Variants in MAP3K4 observed in about 807,000 individuals in gnomAD.
MAP3K4 encodes mitogen-activated protein kinase kinase kinase 4.
In MAP3K4, 67 loss-of-function variants were observed where a neutral mutation model predicts 185.6. The observed-to-expected ratio is 0.36, with a 90% confidence interval of 0.30 to 0.44. The LOEUF (loss-of-function observed/expected upper bound fraction) is 0.44, where lower values mean the gene tolerates loss of function less well. MAP3K4 is among the 20% of genes least tolerant of loss of function. MAP3K4 has a pLI of 1.00. For missense variants in MAP3K4, 1,551 were observed against 1,995.1 expected (o/e 0.78, Z 4.24); for synonymous variants, 702 against 710.4 (o/e 0.99, Z 0.19).
At chr6:161,059,680 A>G (rs1368762410) in intron 3 of MAP3K4, among the ~76,000 whole-genome samples, 1 of 152,164 alleles carries the variant, frequency 6.6e-6, no homozygotes, top group Non-Finnish European at 1.5e-5. Flanking sequence ...TCACATTTTT[A>G]TATAGTCATG....
In MAP3K4 at chr6:161,053,535, A is replaced by C. The variant is rs1213246349; in HGVS notation, c.1707+3556A>C. On this transcript the variant is annotated intron_variant, in intron 3 of 26. Transcript: ENST00000392142. This position sits in a 1 kb window ranked among gnomAD's most constrained non-coding sequence, Gnocchi z 4.2. ...CTTTTAACCTCTGCCAAATAATTGT[A>C]CATTTTAAGGGCATACATTTTAGGC... 6.6e-6 allele frequency among the ~76,000 whole-genome samples: 1 copy of C among 152,212 alleles called. No individual in the cohort carries two copies. Among genetic ancestry groups the C allele is most frequent in the Non-Finnish European group, 1.5e-5 (1 of 68,048 alleles).
rs746010990 is a variant in MAP3K4, at chr6:161,073,436, C to G, written c.1951-30C>G. Reference sequence around the variant, plus strand: ...CGGATCGTCTGGTTGGAGTTTATGGCTGCTGGAACCTGTGTGTGTTGTTTT... The same window carrying G: ...CGGATCGTCTGGTTGGAGTTTATGGGTGCTGGAACCTGTGTGTGTTGTTTT... On this transcript the variant is annotated intron_variant, in intron 4 of 26. Transcript: ENST00000392142. The surrounding 1 kb of genome is among the most constrained non-coding windows in gnomAD (Gnocchi z 4.2). The G allele has an allele frequency of 2.0e-5, 30 of 1,535,008 alleles. No homozygotes were observed. The highest frequency in any genetic ancestry group is 2.8e-5 in the African/African-American group (2 of 71,454).
intron 1 of MAP3K4, among the ~76,000 whole-genome samples, chr6:161,001,822 T>C (rs1781334027): frequency 6.6e-6 from 1 of 152,226 alleles, no homozygotes; most frequent in African/African-American, 2.4e-5. Context: ...TTATTAAGAT[T>C]AAGTAATTCC....
Position 161,088,994 on chromosome 6 carries a change from A to G in MAP3K4, c.2824-328A>G, listed in dbSNP as rs1005609514. On this transcript the variant is annotated intron_variant, in intron 10 of 26. Coordinates refer to ENST00000392142, the MANE Select transcript of MAP3K4 (RefSeq NM_005922.4). This position sits in a 1 kb window ranked among gnomAD's most constrained non-coding sequence, Gnocchi z 4.5. ...TTTTCCTTCTTCATATGCTGCTCCA[A>G]TACACACACACATGCACACATACAC... is the stretch of plus-strand genomic sequence containing the variant. Among the ~76,000 whole-genome samples the G allele has an allele frequency of 6.6e-5, 10 of 151,840 alleles. No individual in the cohort carries two copies. Among genetic ancestry groups the G allele is most frequent in the African/African-American group, 1.7e-4 (7 of 41,172 alleles).
At chr6:160,995,454 T>A (rs1425894087) in intron 1 of MAP3K4, among the ~76,000 whole-genome samples, 1 of 152,238 alleles carries the variant, frequency 6.6e-6, no homozygotes, top group Non-Finnish European at 1.5e-5. Context: ...GTGCAGCAAG[T>A]GTGCCATCGT....
At chr6:161,028,138 T>G (rs1782758239) in intron 1 of MAP3K4, among the ~76,000 whole-genome samples, 1 of 152,222 alleles carries the variant, frequency 6.6e-6, no homozygotes, top group Non-Finnish European at 1.5e-5. Flanking sequence ...ATATGCAGGT[T>G]TGTGACCATG....
At position 161,063,958 on chromosome 6, in the gene MAP3K4, G is replaced by A. The variant is rs1746029961; in HGVS notation, c.1708-6650G>A. On this transcript the variant is annotated intron_variant, in intron 3 of 26. Coordinates refer to ENST00000392142, the MANE Select transcript of MAP3K4 (RefSeq NM_005922.4). The surrounding 1 kb of genome is among the most constrained non-coding windows in gnomAD (Gnocchi z 5.4). Reference sequence around the variant, plus strand: ...GGTTTTCCCACCACCTCTTCTCTTTGGGGAGTCATGACCACCCCTTTTCAT... The same window carrying A: ...GGTTTTCCCACCACCTCTTCTCTTTAGGGAGTCATGACCACCCCTTTTCAT... Among the ~76,000 whole-genome samples, 1 of 152,070 alleles carries A rather than the reference G, an allele frequency of 6.6e-6. No individual in the cohort carries two copies. Among genetic ancestry groups the A allele is most frequent in the Non-Finnish European group, 1.5e-5 (1 of 68,024 alleles).
rs1389264137 is a variant in MAP3K4, at chr6:161,107,779, C to T, written c.4049-120C>T. On this transcript the variant is annotated intron_variant, in intron 20 of 26. Transcript: ENST00000392142. The surrounding 1 kb of genome is among the most constrained non-coding windows in gnomAD (Gnocchi z 6.2). ...TCTTGCAATAGTAAACTGCAGTAAA[C>T]ATAATTATAGATATATAAATATACG... 1.5e-6 allele frequency: 1 copy of T among 688,702 alleles called. No homozygotes were observed. The highest frequency in any genetic ancestry group is 2.4e-6 in the Non-Finnish European group (1 of 420,272). The allele number at this position is 688,702 out of a possible 1,614,324, so 42.7% of individuals were successfully genotyped here.
In MAP3K4 at chr6:161,037,415, A is replaced by G. The variant is rs929824037; in HGVS notation, c.343+2966A>G. Among the ~76,000 whole-genome samples the G allele has an allele frequency of 6.6e-6, 1 of 152,020 alleles. No individual in the cohort carries two copies. The highest frequency in any genetic ancestry group is 2.4e-5 in the African/African-American group (1 of 41,396). ...TTATCATCATTATTATTGTAAACTCAGGATTTCTTTTATTTTTTCTGAGAC... is the reference window on the plus strand; with the variant it reads ...TTATCATCATTATTATTGTAAACTCGGGATTTCTTTTATTTTTTCTGAGAC... On this transcript the variant is annotated intron_variant, in intron 2 of 26. Coordinates refer to ENST00000392142, the MANE Select transcript of MAP3K4 (RefSeq NM_005922.4). The surrounding 1 kb of genome is among the most constrained non-coding windows in gnomAD (Gnocchi z 4.2).
At position 161,102,695 on chromosome 6, in the gene MAP3K4, G is replaced by A. The variant is rs1384276116; in HGVS notation, c.3776-4G>A. 1.3e-6 allele frequency: 2 copies of A among 1,559,272 alleles called. No individual in the cohort carries two copies. Among genetic ancestry groups the A allele is most frequent in the East Asian group, 2.3e-5 (1 of 43,932 alleles). On this transcript the variant is annotated splice_region_variant and splice_polypyrimidine_tract_variant and intron_variant, in intron 18 of 26. Transcript: ENST00000392142. Reference sequence around the variant, plus strand: ...TTAATTTGTATAAAAATAACTTCCTGCAGAACCAGCATATCCAAGAGGAGA... The same window carrying A: ...TTAATTTGTATAAAAATAACTTCCTACAGAACCAGCATATCCAAGAGGAGA...
At chr6:161,104,986 G>C (rs1341636878) in intron 19 of MAP3K4, among the ~76,000 whole-genome samples, 1 of 152,146 alleles carries the variant, frequency 6.6e-6, no homozygotes, top group African/African-American at 2.4e-5. Context: ...CTCTTCATCT[G>C]AGCCAGAAAA....
chr6:161,090,009 C>T (rs1431441435), intron 11 of MAP3K4, among the ~76,000 whole-genome samples: 1 of 152,098 alleles, frequency 6.6e-6, no homozygotes, highest in African/African-American at 2.4e-5. Flanking sequence ...ATTTTGTATC[C>T]CATGTATCAG....
chr6:161,084,412 G>A lies in MAP3K4; in HGVS notation c.2256-89G>A. Reference sequence around the variant, plus strand: ...TGATTTTTAAACCATTAGAGCAGTAGCTGAGCCTTTCAAGTTTCTCAGTCA... The same window carrying A: ...TGATTTTTAAACCATTAGAGCAGTAACTGAGCCTTTCAAGTTTCTCAGTCA... On this transcript the variant is annotated intron_variant, in intron 6 of 26. Transcript: ENST00000392142. This position sits in a 1 kb window ranked among gnomAD's most constrained non-coding sequence, Gnocchi z 4.6. The A allele has an allele frequency of 1.4e-6, 1 of 719,256 alleles. No homozygotes were observed. Among genetic ancestry groups the A allele is most frequent in the South Asian group, 1.6e-5 (1 of 61,406 alleles). 44.6% of individuals were successfully genotyped at this position (719,256 alleles called of 1,614,324 possible).
intron 5 of MAP3K4, among the ~76,000 whole-genome samples, chr6:161,078,589 T>G (rs2114834557): frequency 6.6e-6 from 1 of 152,272 alleles, no homozygotes; most frequent in East Asian, 1.9e-4. Context: ...TATCAGGTGT[T>G]TGAACTGGTG....
Position 161,074,005 on chromosome 6 carries a change from T to C in MAP3K4, c.2097+393T>C, listed in dbSNP as rs1052368623. 1.3e-5 allele frequency among the ~76,000 whole-genome samples: 2 copies of C among 152,246 alleles called. No homozygotes were observed. The highest frequency in any genetic ancestry group is 4.8e-5 in the African/African-American group (2 of 41,480). Reference sequence around the variant, plus strand: ...TATGGTCCTATGTTAGTGAACCGTCTGTCATCAGCCATTTTTATAATACCT... The same window carrying C: ...TATGGTCCTATGTTAGTGAACCGTCCGTCATCAGCCATTTTTATAATACCT... On this transcript the variant is annotated intron_variant, in intron 5 of 26. Transcript: ENST00000392142. This position sits in a 1 kb window ranked among gnomAD's most constrained non-coding sequence, Gnocchi z 5.0.
rs1043547221 is a variant in MAP3K4 at position 161,106,068 on chromosome 6, C to A, written c.3857-446C>A. On this transcript the variant is annotated intron_variant, in intron 19 of 26. Coordinates refer to ENST00000392142, the MANE Select transcript of MAP3K4 (RefSeq NM_005922.4). The surrounding 1 kb of genome is among the most constrained non-coding windows in gnomAD (Gnocchi z 4.9). ...CCCAGTCTGGTCTTGAACTCCTAGGCTCAAGTGATCTGCCCACCTCACCTC... is the reference window on the plus strand; with the variant it reads ...CCCAGTCTGGTCTTGAACTCCTAGGATCAAGTGATCTGCCCACCTCACCTC... Among the ~76,000 whole-genome samples the A allele has an allele frequency of 6.6e-6, 1 of 152,078 alleles. No individual in the cohort carries two copies. The highest frequency in any genetic ancestry group is 6.5e-5 in the Admixed American group (1 of 15,276).
intron 15 of MAP3K4, among the ~76,000 whole-genome samples, chr6:161,094,124 CT>C (rs1777464719): frequency 6.6e-6 from 1 of 152,194 alleles, no homozygotes; most frequent in African/African-American, 2.4e-5. Context: ...CACTACCATT[CT>C]TTTTTCCCCC....
At chr6:161,078,475 G>A (rs1785282077) in intron 5 of MAP3K4, among the ~76,000 whole-genome samples, 1 of 152,244 alleles carries the variant, frequency 6.6e-6, no homozygotes, top group Non-Finnish European at 1.5e-5. Flanking sequence ...GTTGTGAGTT[G>A]CAGAAAGATG....
intron 1 of MAP3K4, 160 bp downstream of exon 1, chr6:160,992,243 A>AG: frequency 9.9e-7 from 1 of 1,013,958 alleles, no homozygotes; most frequent in South Asian, 1.9e-5. Context: ...CCTGGGTCCC[A>AG]GGGGACCGCG....
Sources: gnomAD v4.1 joint callset for allele counts (sites outside exome capture counted in the v4.1 genomes callset) on GRCh38, gnomAD v4.1.1 for gene constraint, Gnocchi (gnomAD v3.1) non-coding constraint, MANE v1.5 for transcripts, NCBI Gene and HGNC (gene_info 2026-07-23, HGNC 2026-07-21) for gene names.